DPYD: variants seen among roughly 807,000 people sequenced by gnomAD.
The protein encoded by DPYD is dihydropyrimidine dehydrogenase [NADP(+)].
Under a neutral mutation model 116.2 loss-of-function variants are expected in DPYD, and 109 were observed. The observed-to-expected ratio is 0.94, with a 90% CI of 0.80 to 1.10. The LOEUF is 1.10. Ranked by LOEUF, DPYD falls within the 50% of genes least tolerant of loss-of-function variation. The probability of loss-of-function intolerance (pLI) is 0.00; values close to 1 mark genes in which losing one functional copy is unlikely to be tolerated. For missense variants in DPYD, 1,302 were observed against 1,254.5 expected (o/e 1.04, Z -0.57); for synonymous variants, 440 against 432.0 (o/e 1.02, Z -0.23).
intron 1 of DPYD, among the ~76,000 whole-genome samples, chr1:97,911,485 A>G (rs1673934019): frequency 5.3e-5 from 8 of 152,112 alleles, no homozygotes. Context: ...ACACCCAAGG[A>G]AGAAGTATGT....
chr1:97,163,409 A>C (rs1160580530), intron 20 of DPYD, among the ~76,000 whole-genome samples: 1 of 152,220 alleles, frequency 6.6e-6, no homozygotes, highest in African/African-American at 2.4e-5. Flanking sequence ...TCTACTACCC[A>C]AATCAACACA....
At chr1:97,852,998 G>A (rs1670645325) in intron 2 of DPYD, among the ~76,000 whole-genome samples, 1 of 152,082 alleles carries the variant, frequency 6.6e-6, no homozygotes, top group African/African-American at 2.4e-5. Context: ...TCACTTCTAG[G>A]CAGAAGTCTC....
At chr1:97,853,121 C>T (rs1302680517) in intron 2 of DPYD, among the ~76,000 whole-genome samples, 6 of 152,190 alleles carry the variant, frequency 3.9e-5, no homozygotes, top group African/African-American at 1.4e-4. Flanking sequence ...TGTAGGTCTC[C>T]CTCCTGCACT....
intron 18 of DPYD, among the ~76,000 whole-genome samples, chr1:97,304,903 C>T (rs1490780840): frequency 6.6e-6 from 1 of 151,728 alleles, no homozygotes; most frequent in African/African-American, 2.4e-5. Flanking sequence ...GAAAACTAGT[C>T]CAGACCATGA....
chr1:97,280,434 T>C (rs1665246752), intron 18 of DPYD, among the ~76,000 whole-genome samples: 1 of 152,148 alleles, frequency 6.6e-6, no homozygotes, highest in Non-Finnish European at 1.5e-5. Flanking sequence ...GCTGAAGAGA[T>C]ATCTGTGCTC....
intron 10 of DPYD, among the ~76,000 whole-genome samples, chr1:97,585,263 T>A (rs1383343495): frequency 6.6e-6 from 1 of 152,144 alleles, no homozygotes; most frequent in Non-Finnish European, 1.5e-5. Flanking sequence ...CCCTATGTGA[T>A]AAATTCTATT....
intron 12 of DPYD, among the ~76,000 whole-genome samples, chr1:97,521,636 T>A (rs1648673331): frequency 1.3e-5 from 2 of 152,150 alleles, no homozygotes; most frequent in South Asian, 4.1e-4. Context: ...GCTGGAGGCA[T>A]CACTCTATCT....
At chr1:97,314,495 T>C (rs113259449) in intron 16 of DPYD, among the ~76,000 whole-genome samples, 114 of 149,378 alleles carry the variant, frequency 7.6e-4, no homozygotes, top group Admixed American at 2.8e-3. Context: ...GCTTTCTTTT[T>C]TTTTTTTTTT....
chr1:97,383,484 A>G (rs1250663191), intron 14 of DPYD, among the ~76,000 whole-genome samples: 1 of 148,086 alleles, frequency 6.8e-6, no homozygotes, highest in Non-Finnish European at 1.5e-5. Flanking sequence ...TCAAAAAAAA[A>G]AAAAGAAAAA....
chr1:97,530,134 T>C (rs1039182258), intron 12 of DPYD, among the ~76,000 whole-genome samples: 7 of 151,942 alleles, frequency 4.6e-5, no homozygotes, highest in African/African-American at 7.2e-5. Context: ...ATCCATTCTT[T>C]CACAAACAGT....
At chr1:97,232,219 TC>T (rs1386855094) in intron 19 of DPYD, among the ~76,000 whole-genome samples, 1 of 152,182 alleles carries the variant, frequency 6.6e-6, no homozygotes, top group African/African-American at 2.4e-5. Flanking sequence ...TTGAAAAATG[TC>T]CCACTTTCTT....
intron 14 of DPYD, among the ~76,000 whole-genome samples, chr1:97,421,292 A>AAATC (rs1341905255): frequency 6.6e-6 from 1 of 152,116 alleles, no homozygotes; most frequent in African/African-American, 2.4e-5. Flanking sequence ...TTAAATCTTC[A>AAATC]TGTATTGTAT....
intron 18 of DPYD, among the ~76,000 whole-genome samples, chr1:97,247,954 T>C (rs1662835494): frequency 6.6e-6 from 1 of 152,182 alleles, no homozygotes; most frequent in Non-Finnish European, 1.5e-5. Context: ...AATACCGATC[T>C]TACACAAACT....
intron 3 of DPYD, among the ~76,000 whole-genome samples, chr1:97,823,236 G>T (rs1368890380): frequency 1.3e-5 from 2 of 151,868 alleles, no homozygotes; most frequent in Non-Finnish European, 2.9e-5. Flanking sequence ...CTGACTTCAA[G>T]CTCCACCTCC....
chr1:97,497,277 A>G (rs370120813), intron 13 of DPYD, among the ~76,000 whole-genome samples: 2 of 151,930 alleles, frequency 1.3e-5, no homozygotes, highest in East Asian at 3.9e-4. Flanking sequence ...ACTATATATA[A>G]ACAGTAAGAG....
intron 3 of DPYD, among the ~76,000 whole-genome samples, chr1:97,763,202 T>C (rs1665671086): frequency 6.6e-6 from 1 of 152,016 alleles, no homozygotes; most frequent in South Asian, 2.1e-4. Flanking sequence ...TACTAAATTG[T>C]AAAATCATTT....
chr1:97,842,183 A>G (rs1485589266), intron 2 of DPYD, among the ~76,000 whole-genome samples: 3 of 151,882 alleles, frequency 2.0e-5, no homozygotes, highest in Non-Finnish European at 2.9e-5. Flanking sequence ...AGCATATTTT[A>G]ATTTTATTTT....
At chr1:97,323,957 T>C (rs938663131) in intron 16 of DPYD, among the ~76,000 whole-genome samples, 1 of 151,812 alleles carries the variant, frequency 6.6e-6, no homozygotes, top group Non-Finnish European at 1.5e-5. Context: ...CAGTACATGA[T>C]CTAGGCCTAG....
chr1:97,364,452 A>C (rs2101453527), intron 16 of DPYD, among the ~76,000 whole-genome samples: 1 of 152,344 alleles, frequency 6.6e-6, no homozygotes, highest in Non-Finnish European at 1.5e-5. Flanking sequence ...AAATAACATG[A>C]GGAAAGAGTC....
Sources: allele counts gnomAD v4.1 joint callset (sites outside exome capture counted in the v4.1 genomes callset), GRCh38; gene constraint gnomAD v4.1.1; transcripts MANE v1.5; gene names NCBI Gene and HGNC (gene_info 2026-07-23, HGNC 2026-07-21).